The following COL9A1 variants were observed in gnomAD, a reference collection of about 807,000 sequenced individuals.
The protein encoded by COL9A1 is collagen alpha-1(IX) chain.
Under a neutral mutation model 142.6 loss-of-function variants are expected in COL9A1, and 104 were observed. The ratio of observed to expected loss-of-function variants is 0.73; its 90% confidence interval spans 0.62 to 0.86. The LOEUF is 0.86. COL9A1 is among the 40% of genes least tolerant of loss of function. COL9A1 has a pLI of 0.00. For synonymous variants in COL9A1, 466 were observed against 396.0 expected (o/e 1.18, Z -2.10); for missense variants, 1,210 against 1,176.6 (o/e 1.03, Z -0.42).
chr6:70,226,615 C>T (rs1263234951), intron 36 of COL9A1, among the ~76,000 whole-genome samples: 3 of 151,678 alleles, frequency 2.0e-5, no homozygotes, highest in Non-Finnish European at 4.4e-5. Flanking sequence ...AAAAAAGATA[C>T]CATTTATAAT....
intron 5 of COL9A1, among the ~76,000 whole-genome samples, chr6:70,284,345 A>C (rs1269565267): frequency 1.3e-5 from 2 of 152,234 alleles, no homozygotes; most frequent in Non-Finnish European, 2.9e-5. Context: ...AAAAATTTGC[A>C]CACTGGAGAA....
In COL9A1 at chr6:70,232,700, C is replaced by G; in HGVS notation, c.2386G>C (p.Gly796Arg). The part of the protein sequence containing the change: ...SGATGLPGRP[G>R]PPGPPGPPGE... ...GGAGGGCCGGGGGGACCAGGAGGGC[C>G]AGGCCTTCCAGGAAGCCCAGTGGCA... The change falls in exon 36 of 38, where the codon GGC becomes CGC. Residue 796 changes from glycine to arginine, a missense_variant. Transcript: ENST00000357250. 1.9e-6 allele frequency: 3 copies of G among 1,613,954 alleles called. No individual in the cohort carries two copies. Among genetic ancestry groups the G allele is most frequent in the Non-Finnish European group, 2.5e-6 (3 of 1,180,016 alleles).
At chr6:70,291,863 C>T (rs1412201045) in intron 5 of COL9A1, among the ~76,000 whole-genome samples, 1 of 152,094 alleles carries the variant, frequency 6.6e-6, no homozygotes, top group South Asian at 2.1e-4. Context: ...GTGCCTAACA[C>T]TATTTCTTAC....
chr6:70,261,477 G>A (rs1771684936), intron 19 of COL9A1, among the ~76,000 whole-genome samples: 1 of 152,162 alleles, frequency 6.6e-6, no homozygotes, highest in African/African-American at 2.4e-5. Flanking sequence ...AGGAAAGTGG[G>A]GGTAGCTACT....
chr6:70,215,938 C>CACACACACACACAT (rs59089658), downstream of COL9A1: 1 of 151,934 alleles, frequency 6.6e-6, no homozygotes, highest in Non-Finnish European at 1.5e-5. Context: ...CACACACACA[C>CACACACACACACAT]ATACGCATCT....
At chr6:70,240,029 T>G (rs922886062) in intron 32 of COL9A1, among the ~76,000 whole-genome samples, 1 of 152,196 alleles carries the variant, frequency 6.6e-6, no homozygotes, top group African/African-American at 2.4e-5. Context: ...CTAAAACTGT[T>G]TTCTGAAAAA....
chr6:70,290,140 C>T lies in COL9A1; in HGVS notation c.696+4027G>A, dbSNP rs1248378972. On this transcript the variant is annotated intron_variant, in intron 5 of 37. Transcript: ENST00000357250. The stretch of plus-strand genomic sequence containing the variant: ...TCATATGTTTGTTAAGCCACATAAA[C>T]TTTAATCACCCCTCAAACAAGCCCA... Among the ~76,000 whole-genome samples, 3 of 152,126 alleles carry T rather than the reference C, an allele frequency of 2.0e-5. No individual in the cohort carries two copies. In the East Asian group the frequency reaches 5.8e-4, roughly 29 times the overall value.
chr6:70,301,931 C>G (rs971477024), intron 2 of COL9A1, 70 bp downstream of exon 2: 44 of 1,299,856 alleles, frequency 3.4e-5, no homozygotes, highest in Non-Finnish European at 4.7e-5. Flanking sequence ...AGTCTTCAGT[C>G]AGCCACAGCC....
Position 70,280,721 on chromosome 6 carries a change from C to T in COL9A1, c.975+91G>A, listed in dbSNP as rs1583323558. On this transcript the variant is annotated intron_variant, in intron 10 of 37. Coordinates refer to ENST00000357250, the MANE Select transcript of COL9A1 (RefSeq NM_001851.6). Reference sequence around the variant, plus strand: ...CACAGCGCGTTCTCTCTCTCTCTTTCTCTCTCTCCCTCCCCCCCCACAAAA... The same window carrying T: ...CACAGCGCGTTCTCTCTCTCTCTTTTTCTCTCTCCCTCCCCCCCCACAAAA... 6 of 1,433,200 alleles carry T rather than the reference C, an allele frequency of 4.2e-6. 1 individual carries two copies. The highest frequency in any genetic ancestry group is 5.7e-6 in the Non-Finnish European group (6 of 1,045,490). The allele number at this position is 1,433,200 out of a possible 1,614,324, so 88.8% of individuals were successfully genotyped here.
chr6:70,223,499 C>G (rs1769020619), intron 37 of COL9A1, among the ~76,000 whole-genome samples: 1 of 152,154 alleles, frequency 6.6e-6, no homozygotes, highest in African/African-American at 2.4e-5. Flanking sequence ...ATTGTAGATG[C>G]CACTCTTCAA....
intron 10 of COL9A1, among the ~76,000 whole-genome samples, chr6:70,276,659 G>A (rs770448816): frequency 1.3e-5 from 2 of 152,154 alleles, no homozygotes; most frequent in Non-Finnish European, 2.9e-5. Flanking sequence ...AGCTCCATGA[G>A]GACAAGAGTC....
In COL9A1 at chr6:70,219,574, C is replaced by T. The variant is rs537316187; in HGVS notation, c.2582-2493G>A. Among the ~76,000 whole-genome samples, 226 of 152,256 alleles carry T rather than the reference C, an allele frequency of 1.5e-3. 9 individuals carry two copies. Among genetic ancestry groups the T allele is most frequent in the Admixed American group, 0.014 (220 of 15,292 alleles). ...CCCCACTGTTTTTACCAGATGAAAA[C>T]GTAAAGTACAAATGCAATGAAATTT... On this transcript the variant is annotated intron_variant, in intron 37 of 37. Transcript: ENST00000357250.
At chr6:70,266,676 T>G in intron 18 of COL9A1, 41 bp downstream of exon 18, 1 of 1,466,068 alleles carries the variant, frequency 6.8e-7, no homozygotes. Context: ...GACCAATAAC[T>G]CCTAATCACA....
chr6:70,221,173 G>C (rs1440880580), intron 37 of COL9A1, among the ~76,000 whole-genome samples: 1 of 151,940 alleles, frequency 6.6e-6, no homozygotes, highest in South Asian at 2.1e-4. Context: ...TACACTGATG[G>C]AAGCCCATCT....
At chr6:70,295,281 CTTTTTTTT>C (rs1171549562) in intron 4 of COL9A1, among the ~76,000 whole-genome samples, 19 of 63,166 alleles carry the variant, frequency 3.0e-4, no homozygotes, top group African/African-American at 1.1e-3. Flanking sequence ...GTTGTTGCTT[CTTTTTTTT>C]TTTTTTTTTT....
At chr6:70,265,516 T>C (rs78205295) in intron 18 of COL9A1, among the ~76,000 whole-genome samples, 1 of 149,378 alleles carries the variant, frequency 6.7e-6, no homozygotes, top group East Asian at 1.9e-4. Context: ...TTTTTTTTTT[T>C]GGCTTCTGTG....
intron 29 of COL9A1, 72 bp from the exon 30 acceptor site, chr6:70,242,107 C>T: frequency 7.6e-7 from 1 of 1,320,056 alleles, no homozygotes; most frequent in South Asian, 1.3e-5. Flanking sequence ...CAGAAACAAC[C>T]TTGGGTGTGT....
Position 70,294,427 on chromosome 6 carries a change from T to A in COL9A1, c.436A>T (p.Ile146Phe). The A allele has an allele frequency of 1.2e-6, 2 of 1,614,140 alleles. No individual in the cohort carries two copies. The highest frequency in any genetic ancestry group is 1.7e-6 in the Non-Finnish European group (2 of 1,179,986). The change falls in exon 5 of 38, where the codon ATT becomes TTT. Residue 146 changes from isoleucine to phenylalanine, a missense_variant. Transcript: ENST00000357250. ...SSGKEQVGIK[I>F]NGQTQSVVFS... ...ACAACAGATTGTGTTTGGCCATTAA[T>A]CTTTATGCCAACTTGCTCCTTCCCA...
chr6:70,263,408 G>T, intron 18 of COL9A1, 111 bp from the exon 19 acceptor site: 1 of 794,522 alleles, frequency 1.3e-6, no homozygotes, highest in Non-Finnish European at 2.0e-6. Flanking sequence ...GGTGACTCCT[G>T]AATTATTCTA....
Sources: allele counts gnomAD v4.1 joint callset (sites outside exome capture counted in the v4.1 genomes callset), GRCh38; gene constraint gnomAD v4.1.1; transcripts MANE v1.5; gene names NCBI Gene and HGNC (gene_info 2026-07-23, HGNC 2026-07-21).